The following UNC13B variants were observed in gnomAD, a reference collection of about 807,000 sequenced individuals.
The protein encoded by UNC13B is protein unc-13 homolog B.
In UNC13B, 144 loss-of-function variants were observed where a neutral mutation model predicts 211.0. The ratio of observed to expected loss-of-function variants is 0.68; its 90% CI spans 0.60 to 0.78. UNC13B has a LOEUF of 0.78. UNC13B is among the 30% of genes least tolerant of loss of function. UNC13B has a pLI of 0.00. For synonymous variants in UNC13B, 709 were observed against 725.8 expected (o/e 0.98, Z 0.37); for missense variants, 1,777 against 2,002.0 (o/e 0.89, Z 2.14).
chr9:35,379,420 G>T (rs1008796605), intron 17 of UNC13B, among the ~76,000 whole-genome samples: 3 of 151,784 alleles, frequency 2.0e-5, no homozygotes, highest in African/African-American at 7.3e-5. Context: ...CTGTACTCCA[G>T]CCTGGTGACA....
chr9:35,183,038 C>T (rs1200609252), intron 1 of UNC13B, among the ~76,000 whole-genome samples: 1 of 107,010 alleles, frequency 9.3e-6, no homozygotes, highest in Non-Finnish European at 2.4e-5. Flanking sequence ...CAGAGGCGCT[C>T]CTCACTTCCC....
At chr9:35,256,475 G>A (rs1826884286) in intron 6 of UNC13B, among the ~76,000 whole-genome samples, 1 of 151,996 alleles carries the variant, frequency 6.6e-6, no homozygotes, top group Admixed American at 6.6e-5. Flanking sequence ...ATGGATTTTG[G>A]TAGATACTCT....
intron 24 of UNC13B, among the ~76,000 whole-genome samples, chr9:35,387,634 T>C (rs965458536): frequency 1.3e-5 from 2 of 152,224 alleles, no homozygotes; most frequent in Non-Finnish European, 2.9e-5. Context: ...GCTTTTTACT[T>C]TCTCTCAATT....
intron 6 of UNC13B, among the ~76,000 whole-genome samples, chr9:35,247,530 C>G (rs1214203575): frequency 6.6e-6 from 1 of 152,122 alleles, no homozygotes; most frequent in Non-Finnish European, 1.5e-5. Flanking sequence ...TACGTCCCAT[C>G]AGTACCTAAT....
chr9:35,370,433 C>A, intron 13 of UNC13B, 37 bp downstream of exon 13: 1 of 1,600,674 alleles, frequency 6.2e-7, no homozygotes, highest in Non-Finnish European at 8.5e-7. Flanking sequence ...AGGCAGTAGC[C>A]TTGGGGTATC....
intron 13 of UNC13B, among the ~76,000 whole-genome samples, 199 bp from the exon 14 acceptor site, chr9:35,374,928 C>CA (rs1307625449): frequency 6.6e-6 from 1 of 152,228 alleles, no homozygotes; most frequent in Non-Finnish European, 1.5e-5. Flanking sequence ...ATAGTTAGAG[C>CA]AGCCCCCTGA....
chr9:35,403,844 T>A lies in UNC13B; in HGVS notation c.12834T>A (p.Ala4278=). Reference sequence around the variant, plus strand: ...GGGAAGATCGCGTGCTAGGGCTGGCTGTGATGCCTCTGAGGGATGTCACAG... The same window carrying A: ...GGGAAGATCGCGTGCTAGGGCTGGCAGTGATGCCTCTGAGGGATGTCACAG... ...FAREDRVLGL[A]VMPLRDVTAK... is the part of the protein sequence containing the mutation. The change falls in exon 40 of 40, where the codon GCT becomes GCA. Residue 4278 remains alanine (A), a synonymous_variant. Coordinates refer to ENST00000635942, the MANE Select transcript of UNC13B (RefSeq NM_001371189.2). 6.2e-7 allele frequency: 1 copy of A among 1,614,186 alleles called. No individual in the cohort carries two copies. The highest frequency in any genetic ancestry group is 8.5e-7 in the Non-Finnish European group (1 of 1,180,030).
chr9:35,344,253 CT>C (rs1461985941), intron 11 of UNC13B, among the ~76,000 whole-genome samples: 2 of 152,226 alleles, frequency 1.3e-5, no homozygotes. Flanking sequence ...CCCCCACACT[CT>C]TTTTTTGTTT....
intron 1 of UNC13B, among the ~76,000 whole-genome samples, chr9:35,174,017 G>GT (rs1487924026): frequency 6.6e-6 from 1 of 152,142 alleles, no homozygotes; most frequent in African/African-American, 2.4e-5. Context: ...AAAGTGATTA[G>GT]TACTGTCCCA....
intron 7 of UNC13B, among the ~76,000 whole-genome samples, chr9:35,281,248 CAAAAA>C (rs74176713): frequency 8.5e-6 from 1 of 117,292 alleles, no homozygotes. Flanking sequence ...GACTCTATCT[CAAAAA>C]AAAAAAAAAA....
At chr9:35,230,287 G>T (rs182880245) in intron 2 of UNC13B, among the ~76,000 whole-genome samples, 2 of 151,948 alleles carry the variant, frequency 1.3e-5, no homozygotes, top group Admixed American at 1.3e-4. Flanking sequence ...CCTGGCCAAC[G>T]TGGTGAAACC....
chr9:35,378,576 A>G (rs1834606509), intron 17 of UNC13B, 140 bp downstream of exon 17: 2 of 1,133,068 alleles, frequency 1.8e-6, no homozygotes, highest in African/African-American at 1.5e-5. Flanking sequence ...TCGTTCAGAC[A>G]TCAGCCATTC....
At position 35,229,624 on chromosome 9, in the gene UNC13B, G is replaced by T. The variant is rs997905478; in HGVS notation, c.53-1496G>T. ...TTACTCTTGGTCTGGTCAGCTATGT[G>T]TGATTGGATGTTGGGGTGGAGTACA... is the stretch of plus-strand genomic sequence containing the variant. On this transcript the variant is annotated intron_variant, in intron 2 of 39. Coordinates refer to ENST00000635942, the MANE Select transcript of UNC13B (RefSeq NM_001371189.2). Among the ~76,000 whole-genome samples the T allele has an allele frequency of 5.9e-5, 9 of 152,300 alleles. No homozygotes were observed. In the Middle Eastern group the frequency reaches 0.01, roughly 173 times the overall value.
intron 11 of UNC13B, among the ~76,000 whole-genome samples, chr9:35,318,570 T>G (rs1207960726): frequency 6.6e-6 from 1 of 152,256 alleles, no homozygotes; most frequent in Non-Finnish European, 1.5e-5. Flanking sequence ...TTTCTTGATT[T>G]TGTATTTGGA....
intron 7 of UNC13B, among the ~76,000 whole-genome samples, chr9:35,281,426 G>A (rs200324920): frequency 9.3e-5 from 9 of 96,976 alleles, no homozygotes; most frequent in South Asian, 3.3e-4. Flanking sequence ...AAAAAAAAGA[G>A]AGAGAGAGGA....
rs1829988865 is a variant in UNC13B, at chr9:35,307,590, T to C, written c.8186T>C (p.Leu2729Pro). Residue 2729 changes from leucine (L) to proline (P), a missense_variant, in exon 9 of 40, where the codon CTG (leucine) becomes CCG (proline). Transcript: ENST00000635942. Reference protein sequence around the residue: ...ETEGHFSHPLLEDPVLAARES... With the variant: ...ETEGHFSHPLPEDPVLAARES... Reference sequence around the variant, plus strand: ...GAAGGGCACTTTTCTCATCCTCTGCTGGAGGACCCTGTGCTTGCTGCCAGA... The same window carrying C: ...GAAGGGCACTTTTCTCATCCTCTGCCGGAGGACCCTGTGCTTGCTGCCAGA... 7.5e-6 allele frequency: 3 copies of C among 399,102 alleles called. No individual in the cohort carries two copies. The highest frequency in any genetic ancestry group is 1.3e-5 in the Non-Finnish European group (3 of 226,206). 24.7% of individuals were successfully genotyped at this position (399,102 alleles called of 1,614,324 possible). A position where few individuals can be genotyped will look rare whatever the true frequency, so the allele number is the denominator to read the frequency against.
intron 30 of UNC13B, 72 bp from the exon 31 acceptor site, chr9:35,398,139 G>C: frequency 7.0e-7 from 1 of 1,433,848 alleles, no homozygotes; most frequent in Admixed American, 2.0e-5. Flanking sequence ...TTGTGAGAGA[G>C]GGAGGGAACC....
chr9:35,315,567 C>T (rs1399860393), intron 11 of UNC13B, among the ~76,000 whole-genome samples: 3 of 152,046 alleles, frequency 2.0e-5, no homozygotes, highest in Non-Finnish European at 4.4e-5. Flanking sequence ...CTAAATCTTC[C>T]TTTGTATTTC....
At chr9:35,217,462 C>G (rs925670517) in intron 1 of UNC13B, among the ~76,000 whole-genome samples, 4 of 150,204 alleles carry the variant, frequency 2.7e-5, no homozygotes, top group African/African-American at 9.8e-5. Flanking sequence ...GATCTCAGCT[C>G]ACTGCAAGCT....
Sources: gnomAD v4.1 joint callset for allele counts (sites outside exome capture counted in the v4.1 genomes callset) on GRCh38, gnomAD v4.1.1 for gene constraint, MANE v1.5 for transcripts, NCBI Gene and HGNC (gene_info 2026-07-23, HGNC 2026-07-21) for gene names.